Variants in LRRC9 observed in about 807,000 individuals in gnomAD.
LRRC9 encodes leucine rich repeat containing 9.
A neutral mutation model predicts 63.2 loss-of-function variants in LRRC9; 122 were observed. The ratio of observed to expected loss-of-function variants is 1.93; its 90% confidence interval spans 1.67 to 2.24. The LOEUF (loss-of-function observed/expected upper bound fraction) is 2.24, where lower values mean the gene tolerates loss of function less well. LRRC9 is among the 30% of genes most tolerant of loss of function. The pLI is 0.00. For synonymous variants in LRRC9, 366 were observed against 213.1 expected (o/e 1.72, Z -6.25); for missense variants, 1,071 against 627.7 (o/e 1.71, Z -7.55).
At position 59,923,316 on chromosome 14, in the gene LRRC9, A is replaced by C. The variant is rs1345654455; in HGVS notation, c.-34+3433A>C. ...TTAGAATAAGATTTTCTGCTAAATA[A>C]GTGCATTGATGAAGAGAAAATAAGT... On this transcript the variant is annotated intron_variant, in intron 1 of 31. Coordinates refer to ENST00000445360, the Ensembl canonical transcript of LRRC9. This position sits in a 1 kb window ranked among gnomAD's most constrained non-coding sequence, Gnocchi z 4.2. Among the ~76,000 whole-genome samples the C allele has an allele frequency of 1.3e-5, 2 of 152,220 alleles. No individual in the cohort carries two copies. Among genetic ancestry groups the C allele is most frequent in the Non-Finnish European group, 2.9e-5 (2 of 68,032 alleles).
Position 59,992,099 on chromosome 14 carries a change from T to C in LRRC9, c.2212-5557T>C, listed in dbSNP as rs141921611. On this transcript the variant is annotated intron_variant, in intron 17 of 31. Transcript: ENST00000445360. The stretch of plus-strand genomic sequence containing the variant: ...ACTGACACCTCACATGGCCGGGTAC[T>C]CCTCTGAGACAAAACTTCCAGAGGA... Among the ~76,000 whole-genome samples, 465 of 152,224 alleles carry C rather than the reference T, an allele frequency of 3.1e-3. 11 individuals carry two copies. The East Asian group carries it at 0.05, about 16-fold the overall frequency.
At chr14:60,065,275 G>A (rs541851817), downstream of LRRC9, among the ~76,000 whole-genome samples, 14 of 151,970 alleles carry the variant, frequency 9.2e-5, 2 homozygotes, top group African/African-American at 3.1e-4. Flanking sequence ...AGCTACTAGG[G>A]AGGCTGAGGC....
rs1244216446 is a variant in LRRC9, at chr14:59,932,724, C to A, written c.543+685C>A. The stretch of plus-strand genomic sequence containing the variant: ...TCTTACCATCTGCATCACTACCAAG[C>A]TGATTCAAGACACTATCATCTCTAA... On this transcript the variant is annotated intron_variant, in intron 6 of 31. Transcript: ENST00000445360. This position sits in a 1 kb window ranked among gnomAD's most constrained non-coding sequence, Gnocchi z 4.7. Among the ~76,000 whole-genome samples, 1 of 152,124 alleles carries A rather than the reference C, an allele frequency of 6.6e-6. No individual in the cohort carries two copies. Among genetic ancestry groups the A allele is most frequent in the Non-Finnish European group, 1.5e-5 (1 of 67,996 alleles).
chr14:59,985,361 C>T, intron 17 of LRRC9, 137 bp downstream of exon 17: 1 of 465,934 alleles, frequency 2.1e-6, no homozygotes, highest in Non-Finnish European at 3.8e-6. Context: ...ATAAATTAGA[C>T]AAGTTCTAGG....
At chr14:59,960,142 AAT>A (rs1884204265) in intron 9 of LRRC9, 128 bp downstream of exon 9, 8 of 518,428 alleles carry the variant, frequency 1.5e-5, no homozygotes, top group Non-Finnish European at 3.4e-6. Flanking sequence ...TAAAGCATGA[AAT>A]ATATTCTTAG....
chr14:60,064,219 TCA>T (rs1306158283), downstream of LRRC9, among the ~76,000 whole-genome samples: 1 of 152,230 alleles, frequency 6.6e-6, no homozygotes, highest in Admixed American at 6.5e-5. Flanking sequence ...CTAGGACGTA[TCA>T]CAGATTAATC....
intron 6 of LRRC9, among the ~76,000 whole-genome samples, chr14:59,933,085 G>A (rs1237351210): frequency 1.3e-5 from 2 of 152,068 alleles, no homozygotes; most frequent in African/African-American, 2.4e-5. Flanking sequence ...TGCACTTGCT[G>A]GAATTTTCTT....
At chr14:60,024,821 C>A (rs562231127) in intron 27 of LRRC9, among the ~76,000 whole-genome samples, 160 of 151,816 alleles carry the variant, frequency 1.1e-3, no homozygotes, top group Non-Finnish European at 1.9e-3. Flanking sequence ...CCCTCACCCC[C>A]CTCCCATTCT....
chr14:60,003,727 T>G lies in LRRC9; in HGVS notation c.2771T>G (p.Met924Arg), dbSNP rs936188494. Residue 924 changes from methionine (M) to arginine (R), a missense_variant, in exon 21 of 32, where the codon ATG becomes AGG. Met to Arg is a moderately conservative substitution (Grantham distance 91). Transcript: ENST00000445360. The surrounding 1 kb of genome is among the most constrained non-coding windows in gnomAD (Gnocchi z 4.2). ...TTCAGCAATAATAATCTCACTAAAA[T>G]GGAGGGTCTGGAATCCTGTATTAAC... 3 of 696,030 alleles carry G rather than the reference T, an allele frequency of 4.3e-6. No homozygotes were observed. Among genetic ancestry groups the G allele is most frequent in the Non-Finnish European group, 7.8e-6 (3 of 382,888 alleles). The allele number at this position is 696,030 out of a possible 1,614,324, so 43.1% of individuals were successfully genotyped here.
intron 13 of LRRC9, among the ~76,000 whole-genome samples, chr14:59,975,279 C>T (rs926302924): frequency 5.4e-4 from 80 of 149,508 alleles, no homozygotes; most frequent in African/African-American, 1.8e-3. Context: ...GGAAGATAGG[C>T]CTTATTTGTC....
At chr14:59,999,051 C>G (rs1235330478) in intron 18 of LRRC9, 50 bp from the exon 19 acceptor site, 1 of 581,020 alleles carries the variant, frequency 1.7e-6, no homozygotes, top group Non-Finnish European at 3.1e-6. Flanking sequence ...ATTTTCATGC[C>G]ATAACATATT....
chr14:59,960,018 T>A lies in LRRC9; in HGVS notation c.1079+4T>A. 1.5e-6 allele frequency: 1 copy of A among 646,656 alleles called. No homozygotes were observed. Among genetic ancestry groups the A allele is most frequent in the South Asian group, 1.7e-5 (1 of 57,564 alleles). The allele number at this position is 646,656 out of a possible 1,614,324, so 40.1% of individuals were successfully genotyped here. A position where few individuals can be genotyped will look rare whatever the true frequency, so the allele number is the denominator to read the frequency against. On this transcript the variant is annotated splice_donor_region_variant and intron_variant, in intron 9 of 31. Coordinates refer to ENST00000445360, the Ensembl canonical transcript of LRRC9. ...TCTGGAACAAAAAACTAGATGAGTA[T>A]GTTTAATTAATTATCTAGTTGTTCT...
chr14:60,016,878 T>C (rs1000528329), intron 24 of LRRC9, 88 bp downstream of exon 24: 2 of 546,860 alleles, frequency 3.7e-6, no homozygotes, highest in Admixed American at 2.8e-5. Flanking sequence ...TTATACAACT[T>C]ACCTAAATAT....
Position 60,004,881 on chromosome 14 carries a change from TACACACAC to T in LRRC9, c.2842+1100_2842+1107del, listed in dbSNP as rs10550604. Among the ~76,000 whole-genome samples the T allele has an allele frequency of 4.7e-5, 7 of 150,350 alleles. No homozygotes were observed. In the South Asian group the frequency reaches 8.4e-4, roughly 18 times the overall value. On this transcript the variant is annotated intron_variant, in intron 21 of 31. Coordinates refer to ENST00000445360, the Ensembl canonical transcript of LRRC9. This position sits in a 1 kb window ranked among gnomAD's most constrained non-coding sequence, Gnocchi z 4.8. ...AAAGAGAAATATGTATATGTGTGTA[TACACACAC>T]ACACACACACACACACTTATCTGAA... is the stretch of plus-strand genomic sequence containing the variant.
At chr14:59,989,071 A>G (rs535296742) in intron 17 of LRRC9, among the ~76,000 whole-genome samples, 8 of 152,172 alleles carry the variant, frequency 5.3e-5, no homozygotes, top group Non-Finnish European at 7.4e-5. Flanking sequence ...TAGATGGCCA[A>G]ATAACTTTTT....
At chr14:59,959,105 G>A (rs1309871545) in intron 8 of LRRC9, among the ~76,000 whole-genome samples, 1 of 152,226 alleles carries the variant, frequency 6.6e-6, no homozygotes, top group Non-Finnish European at 1.5e-5. Flanking sequence ...ACATAAGGCT[G>A]AGATTAGAGT....
intron 31 of LRRC9, among the ~76,000 whole-genome samples, chr14:60,061,354 A>G (rs1342431404): frequency 6.6e-6 from 1 of 152,246 alleles, no homozygotes; most frequent in African/African-American, 2.4e-5. Flanking sequence ...ACTGGTCAGC[A>G]GCCAACAACA....
intron 12 of LRRC9, chr14:59,973,604 C>G (rs568724994): frequency 6.6e-6 from 1 of 152,156 alleles, no homozygotes; most frequent in African/African-American, 2.4e-5. Context: ...CTCCTCTAGA[C>G]TACTTACAAT....
At chr14:59,974,887 T>A (rs1885946810) in intron 13 of LRRC9, among the ~76,000 whole-genome samples, 179 bp downstream of exon 13, 1 of 151,540 alleles carries the variant, frequency 6.6e-6, no homozygotes, top group Admixed American at 6.6e-5. Flanking sequence ...TTAGCCACAC[T>A]TTTAACAGAT....
Sources: gnomAD v4.1 joint callset for allele counts (sites outside exome capture counted in the v4.1 genomes callset) on GRCh38, gnomAD v4.1.1 for gene constraint, Gnocchi (gnomAD v3.1) non-coding constraint, MANE v1.5 for transcripts, NCBI Gene and HGNC (gene_info 2026-07-23, HGNC 2026-07-21) for gene names.